Variants in CORIN observed in about 807,000 individuals in gnomAD.
The protein encoded by CORIN is atrial natriuretic peptide-converting enzyme.
Under a neutral mutation model 125.3 loss-of-function variants are expected in CORIN, and 117 were observed. The ratio of observed to expected loss-of-function variants is 0.93; its 90% CI spans 0.80 to 1.09. The LOEUF (loss-of-function observed/expected upper bound fraction) is 1.09. Among genes scored for constraint, CORIN ranks in the 50% least tolerant of loss-of-function variants. The pLI is 0.00. For missense variants in CORIN, 1,253 were observed against 1,306.7 expected, an observed-to-expected ratio of 0.96 and a Z score of 0.63; for synonymous variants, 450 against 466.4, an observed-to-expected ratio of 0.96 and a Z score of 0.45.
chr4:47,834,654 T>A (rs1298165935), intron 1 of CORIN, among the ~76,000 whole-genome samples: 1 of 152,192 alleles, frequency 6.6e-6, no homozygotes, highest in Non-Finnish European at 1.5e-5. Flanking sequence ...AGAAGGGAAC[T>A]TTTGAAGATG....
intron 4 of CORIN, among the ~76,000 whole-genome samples, chr4:47,761,030 T>C (rs1729423603): frequency 6.6e-6 from 1 of 152,254 alleles, no homozygotes; most frequent in Non-Finnish European, 1.5e-5. Flanking sequence ...AGGCTTTGGC[T>C]TAAGAGAATG....
At chr4:47,761,772 G>C (rs1729472214) in intron 4 of CORIN, among the ~76,000 whole-genome samples, 1 of 152,080 alleles carries the variant, frequency 6.6e-6, no homozygotes, top group Admixed American at 6.6e-5. Context: ...ATTACAGTTA[G>C]CTAGGGGGAA....
chr4:47,763,632 T>C, intron 3 of CORIN, 46 bp from the exon 4 acceptor site: 1 of 1,500,196 alleles, frequency 6.7e-7, no homozygotes, highest in Non-Finnish European at 9.3e-7. Context: ...ACATCAGAAG[T>C]ATATGTTTGC....
At chr4:47,816,846 GCACA>G (rs58486505) in intron 1 of CORIN, among the ~76,000 whole-genome samples, 22,523 of 150,706 alleles carry the variant, frequency 0.15, 1,844 homozygotes, top group East Asian at 0.33. Flanking sequence ...ACACACACGT[GCACA>G]CACACACACA....
chr4:47,604,834 T>A (rs1353224640), intron 19 of CORIN, among the ~76,000 whole-genome samples: 1 of 152,208 alleles, frequency 6.6e-6, no homozygotes. Flanking sequence ...GACTATATCC[T>A]CTATATTAGT....
At chr4:47,754,839 G>A (rs2109854977) in intron 4 of CORIN, among the ~76,000 whole-genome samples, 1 of 152,268 alleles carries the variant, frequency 6.6e-6, no homozygotes, top group South Asian at 2.1e-4. Context: ...AAGGCAGTTA[G>A]GTGGCCAGTT....
intron 5 of CORIN, among the ~76,000 whole-genome samples, chr4:47,709,539 A>G (rs1726744612): frequency 6.6e-6 from 1 of 152,046 alleles, no homozygotes. Context: ...CGACTCACCC[A>G]TCTCGGCCTC....
intron 19 of CORIN, among the ~76,000 whole-genome samples, chr4:47,614,953 T>C (rs1722017303): frequency 6.6e-6 from 1 of 152,178 alleles, no homozygotes; most frequent in Non-Finnish European, 1.5e-5. Context: ...TTTATGGTAA[T>C]GTAATAGAAG....
intron 1 of CORIN, among the ~76,000 whole-genome samples, chr4:47,818,642 A>G (rs1732374598): frequency 6.6e-6 from 1 of 152,074 alleles, no homozygotes; most frequent in Non-Finnish European, 1.5e-5. Context: ...AGGCCAAGGA[A>G]TGTGGATCAC....
intron 4 of CORIN, among the ~76,000 whole-genome samples, chr4:47,755,042 G>A (rs886897109): frequency 1.3e-5 from 2 of 152,008 alleles, no homozygotes; most frequent in Non-Finnish European, 2.9e-5. Flanking sequence ...CACTGTAAAC[G>A]GACCTGCCTC....
At chr4:47,749,824 T>G (rs1206418212) in intron 4 of CORIN, among the ~76,000 whole-genome samples, 1 of 152,140 alleles carries the variant, frequency 6.6e-6, no homozygotes, top group African/African-American at 2.4e-5. Flanking sequence ...CAGTGAAAAA[T>G]GCTCACAAAA....
chr4:47,756,345 T>C (rs1031636664), intron 4 of CORIN, among the ~76,000 whole-genome samples: 3 of 152,224 alleles, frequency 2.0e-5, no homozygotes, highest in African/African-American at 7.2e-5. Context: ...CAACTGGCTA[T>C]GGGCAGAGCT....
chr4:47,661,839 G>A lies in CORIN; in HGVS notation c.1607C>T (p.Ser536Phe). The change falls in exon 12 of 22, where the codon TCT (serine) becomes TTT (phenylalanine). Residue 536 changes from serine to phenylalanine, a missense_variant. Ser to Phe is a radical substitution (Grantham distance 155, BLOSUM62 -2). Transcript: ENST00000273857. ...AAGAACAGACTCACAGCGTTCTTTA[G>A]AGTGTTCACACAATGCCCTAGATGA... ...IPPCRALCEH[S>F]KERCESVLGI... is the part of the protein sequence containing the mutation. 6.2e-7 allele frequency: 1 copy of A among 1,610,172 alleles called. No individual in the cohort carries two copies. The highest frequency in any genetic ancestry group is 2.2e-5 in the East Asian group (1 of 44,720).
In CORIN at chr4:47,634,028, A is replaced by G. The variant is rs551273322; in HGVS notation, c.2199-7507T>C. Among the ~76,000 whole-genome samples, 15 of 152,354 alleles carry G rather than the reference A, an allele frequency of 9.8e-5. No individual in the cohort carries two copies. The East Asian group carries it at 2.9e-3, about 29-fold the overall frequency. ...ATTAAACAAATATTGAATTAACTAA[A>G]AAATCGGCATTTTAAAAATGCCTAA... On this transcript the variant is annotated intron_variant, in intron 16 of 21. Transcript: ENST00000273857.
intron 14 of CORIN, 60 bp downstream of exon 14, chr4:47,645,021 G>T: frequency 1.1e-6 from 1 of 900,922 alleles, no homozygotes; most frequent in South Asian, 1.5e-5. Flanking sequence ...TATTCAAAAT[G>T]AGACTTAACT....
intron 4 of CORIN, among the ~76,000 whole-genome samples, chr4:47,749,805 T>C (rs1728821280): frequency 6.6e-6 from 1 of 152,242 alleles, no homozygotes. Flanking sequence ...TTTGTTAGGC[T>C]GAGCTGTTCA....
intron 11 of CORIN, among the ~76,000 whole-genome samples, chr4:47,664,403 TGA>T (rs1399988776): frequency 3.3e-5 from 5 of 152,174 alleles, no homozygotes; most frequent in African/African-American, 7.2e-5. Flanking sequence ...GAACCGAGGC[TGA>T]GAGAGACTCA....
intron 5 of CORIN, among the ~76,000 whole-genome samples, chr4:47,734,793 C>A (rs1283636143): frequency 6.6e-6 from 1 of 152,194 alleles, no homozygotes; most frequent in Non-Finnish European, 1.5e-5. Context: ...GGATGTTTGG[C>A]AGCATATCTT....
intron 3 of CORIN, among the ~76,000 whole-genome samples, chr4:47,767,631 T>G (rs1399319117): frequency 6.6e-6 from 1 of 152,062 alleles, no homozygotes; most frequent in Non-Finnish European, 1.5e-5. Context: ...GCCAGGAAAA[T>G]AAATATAAAC....
Sources: gnomAD v4.1 joint callset for allele counts (sites outside exome capture counted in the v4.1 genomes callset) on GRCh38, gnomAD v4.1.1 for gene constraint, MANE v1.5 for transcripts, NCBI Gene and HGNC (gene_info 2026-07-23, HGNC 2026-07-21) for gene names.